Variants in AHNAK2 observed in about 807,000 individuals in gnomAD.
AHNAK2 encodes protein AHNAK2.
Under a neutral mutation model 30.7 loss-of-function variants are expected in AHNAK2, and 18 were observed. The observed-to-expected ratio is 0.59, with a 90% CI of 0.41 to 0.87. AHNAK2 has a LOEUF of 0.87. Ranked by LOEUF, AHNAK2 falls within the 40% of genes least tolerant of loss-of-function variation. The probability of loss-of-function intolerance (pLI) is 0.00; values close to 1 mark genes in which losing one functional copy is unlikely to be tolerated. For missense variants in AHNAK2, 8,604 were observed against 7,373.0 expected, an observed-to-expected ratio of 1.17 and a Z score of -6.11; for synonymous variants, 3,590 against 3,073.8, an observed-to-expected ratio of 1.17 and a Z score of -5.56.
At chr14:104,956,862 G>A (rs1477180487) in intron 3 of AHNAK2, among the ~76,000 whole-genome samples, 173 bp from the exon 4 acceptor site, 1 of 152,144 alleles carries the variant, frequency 6.6e-6, no homozygotes, top group African/African-American at 2.4e-5. Context: ...CAGAGAAAAG[G>A]CAACTCTCGG....
rs1414462489 is a variant in AHNAK2, at chr14:104,947,914, C to T, written c.7537G>A (p.Val2513Met). 3 of 1,612,600 alleles carry T rather than the reference C, an allele frequency of 1.9e-6. No homozygotes were observed. The African/African-American group carries it at 4.0e-5, about 22-fold the overall frequency. ...GAGGAGAGGCTCCCGTCGGCCTCCA[C>T]CTTCGGCGCAGACACATCCACCGAG... ...EASVDVSAPK[V>M]EADGSLSSMQ... is the part of the protein sequence containing the mutation. Residue 2513 changes from valine to methionine, a missense_variant, in exon 7 of 7, where the codon GTG (valine) becomes ATG (methionine). Val to Met is a conservative substitution (Grantham distance 21). Coordinates refer to ENST00000333244, the MANE Select transcript of AHNAK2 (RefSeq NM_138420.4).
At chr14:104,972,643 C>G (rs1230078625) in intron 1 of AHNAK2, among the ~76,000 whole-genome samples, 1 of 152,224 alleles carries the variant, frequency 6.6e-6, no homozygotes, top group South Asian at 2.1e-4. Context: ...TGTGGTCCGC[C>G]AAGCCCTGGA....
Position 104,942,191 on chromosome 14 carries a change from G to C in AHNAK2, c.13260C>G (p.Pro4420=). Residue 4420 remains proline (P), a synonymous_variant, in exon 7 of 7, where the codon CCC becomes CCG. Coordinates refer to ENST00000333244, the MANE Select transcript of AHNAK2 (RefSeq NM_138420.4). ...TGCTGGGCAGAGACACGTCCAGGTTGGGGGACGTCACCTCCACCTTGGGGC... is the reference window on the plus strand; with the variant it reads ...TGCTGGGCAGAGACACGTCCAGGTTCGGGGACGTCACCTCCACCTTGGGGC... The part of the protein sequence containing the change: ...LKGPKVEVTS[P]NLDVSLPSME... 6.2e-7 allele frequency: 1 copy of C among 1,613,070 alleles called. No individual in the cohort carries two copies.
Position 104,945,802 on chromosome 14 carries a change from G to A in AHNAK2, c.9649C>T (p.Leu3217Phe), listed in dbSNP as rs375931906. The change falls in exon 7 of 7, where the codon CTC (leucine) becomes TTC (phenylalanine). Residue 3217 changes from leucine to phenylalanine, a missense_variant. Coordinates refer to ENST00000333244, the MANE Select transcript of AHNAK2 (RefSeq NM_138420.4). Reference sequence around the variant, plus strand: ...TGCCCTTTGAGGCCAGCTCCCTCGAGAACGTGGCCCTCTGGGAGCTTCACG... The same window carrying A: ...TGCCCTTTGAGGCCAGCTCCCTCGAAAACGTGGCCCTCTGGGAGCTTCACG... The part of the protein sequence containing the change: ...VDVKLPEGHV[L>F]EGAGLKGHLP... 5 of 1,529,104 alleles carry A rather than the reference G, an allele frequency of 3.3e-6. No homozygotes were observed. The highest frequency in any genetic ancestry group is 4.5e-6 in the Non-Finnish European group (5 of 1,115,642). The allele number at this position is 1,529,104 out of a possible 1,614,324, so 94.7% of individuals were successfully genotyped here. A position where few individuals can be genotyped will look rare whatever the true frequency, so the allele number is the denominator to read the frequency against.
intron 1 of AHNAK2, among the ~76,000 whole-genome samples, chr14:104,963,841 GA>G (rs1021818717): frequency 1.6e-4 from 21 of 132,424 alleles, no homozygotes; most frequent in East Asian, 4.2e-4. Context: ...AAAAAAAAAA[GA>G]AAAAAAAAAG....
chr14:104,967,822 C>T (rs1240249192), intron 1 of AHNAK2, among the ~76,000 whole-genome samples: 4 of 152,218 alleles, frequency 2.6e-5, no homozygotes, highest in South Asian at 2.1e-4. Flanking sequence ...GCCTCGGACC[C>T]GCGCCAGTCG....
chr14:104,949,052 C>G lies in AHNAK2; in HGVS notation c.6399G>C (p.Ala2133=). ...VQAPRAKLDS[A]HLQGDLTLAN... is the part of the protein sequence containing the mutation. ...CCAGGGTCAGGTCCCCCTGCAGATG[C>G]GCACTATCCAGCTTGGCTCTTGGGG... Residue 2133 remains alanine, a synonymous_variant, in exon 7 of 7, where the codon GCG becomes GCC. Transcript: ENST00000333244. The G allele has an allele frequency of 9.7e-7, 1 of 1,028,628 alleles. No homozygotes were observed. Among genetic ancestry groups the G allele is most frequent in the South Asian group, 1.6e-5 (1 of 61,388 alleles). 63.7% of individuals were successfully genotyped at this position (1,028,628 alleles called of 1,614,324 possible).
At position 104,948,556 on chromosome 14, in the gene AHNAK2, G is replaced by T; in HGVS notation, c.6895C>A (p.Arg2299=). ...GCCAGGGACATGTCCCCCTCCAGCC[G>T]CGCACCATCCAGCTTGGCTCCTGGG... ...KAPGAKLDGA[R]LEGDMSLADK... Residue 2299 remains arginine (R), a synonymous_variant, in exon 7 of 7, where the codon CGG becomes AGG. Transcript: ENST00000333244. The T allele has an allele frequency of 6.2e-7, 1 of 1,610,088 alleles. No individual in the cohort carries two copies. The highest frequency in any genetic ancestry group is 8.5e-7 in the Non-Finnish European group (1 of 1,178,796).
chr14:104,958,485 C>T (rs1034032334), intron 1 of AHNAK2, among the ~76,000 whole-genome samples: 2 of 151,870 alleles, frequency 1.3e-5, no homozygotes, highest in Non-Finnish European at 2.9e-5. Flanking sequence ...AACACAAAAA[C>T]AAATCATGTT....
chr14:104,955,700 G>A, intron 4 of AHNAK2, 67 bp from the exon 5 acceptor site: 1 of 1,560,590 alleles, frequency 6.4e-7, no homozygotes, highest in Non-Finnish European at 8.7e-7. Flanking sequence ...TCCCTGCTGG[G>A]GCCTGTGTCT....
chr14:104,951,812 A>G lies in AHNAK2; in HGVS notation c.3639T>C (p.Ile1213=), dbSNP rs147978925. The part of the protein sequence containing the change: ...QGDLKTTDLS[I]QPPSADLEVH... The stretch of plus-strand genomic sequence containing the variant: ...CCTCCAGGTCAGCGGAAGGGGGCTG[A>G]ATGCTGAGGTCAGTGGTCTTGAGGT... The change falls in exon 7 of 7, where the codon ATT becomes ATC. Residue 1213 remains isoleucine (I), a synonymous_variant. Coordinates refer to ENST00000333244, the MANE Select transcript of AHNAK2 (RefSeq NM_138420.4). 5.2e-6 allele frequency: 7 copies of G among 1,339,356 alleles called. No homozygotes were observed. The highest frequency in any genetic ancestry group is 4.3e-5 in the African/African-American group (3 of 69,378). 83.0% of individuals were successfully genotyped at this position (1,339,356 alleles called of 1,614,324 possible).
In AHNAK2 at chr14:104,945,559, C is replaced by T. The variant is rs768208717; in HGVS notation, c.9892G>A (p.Asp3298Asn). 17 of 1,610,838 alleles carry T rather than the reference C, an allele frequency of 1.1e-5. No homozygotes were observed. The highest frequency in any genetic ancestry group is 6.7e-5 in the African/African-American group (5 of 74,240). The change falls in exon 7 of 7, where the codon GAC becomes AAC. Residue 3298 changes from aspartate to asparagine, a missense_variant. By Grantham distance (23) the Asp-to-Asn change is conservative (BLOSUM62 1). Coordinates refer to ENST00000333244, the MANE Select transcript of AHNAK2 (RefSeq NM_138420.4). ...ARLEGDLSLA[D>N]KDVTAKDSKF... ...CTGTCTTTGGCAGTCACATCCTTGT[C>T]GGCCAGGGACAGGTCCCCCTCCAGC...
rs201711905 is a variant in AHNAK2 at position 104,941,997 on chromosome 14, G to A, written c.13454C>T (p.Ser4485Leu). 752 of 1,613,566 alleles carry A rather than the reference G, an allele frequency of 4.7e-4. 2 individuals are homozygous for A. The African/African-American group carries it at 8.5e-3, about 18-fold the overall frequency. ...MLSPGKSIEVSVDVSAPKMEA... is the reference protein window; with the variant it reads ...MLSPGKSIEVLVDVSAPKMEA... ...CATCTTTGGCGCAGACACATCCACCGAGACCTCGATGGACTTGCCTGGGGA... is the reference window on the plus strand; with the variant it reads ...CATCTTTGGCGCAGACACATCCACCAAGACCTCGATGGACTTGCCTGGGGA... Residue 4485 changes from serine (S) to leucine (L), a missense_variant, in exon 7 of 7, where the codon TCG (serine) becomes TTG (leucine). Coordinates refer to ENST00000333244, the MANE Select transcript of AHNAK2 (RefSeq NM_138420.4).
Position 104,942,749 on chromosome 14 carries a change from G to GGGGCCCTTGA in AHNAK2, c.12692_12701dup (p.Val4236GlyfsTer51). The GGGGCCCTTGA allele has an allele frequency of 1.2e-6, 2 of 1,613,054 alleles. No homozygotes were observed. The highest frequency in any genetic ancestry group is 1.7e-6 in the Non-Finnish European group (2 of 1,179,624). ...GCTTGGGGCCCTTGACATCCACCTGGGGGCCCTTGAGGGCCACTTTGGGCA... is the reference window on the plus strand; with the variant it reads ...GCTTGGGGCCCTTGACATCCACCTGGGGGCCCTTGAGGGCCCTTGAGGGCCACTTTGGGCA... On this transcript the variant is annotated frameshift_variant, in exon 7 of 7. Transcript: ENST00000333244. LOFTEE classifies it low-confidence loss of function (END_TRUNC).
At position 104,939,703 on chromosome 14, in the gene AHNAK2, G is replaced by A. The variant is rs377668991; in HGVS notation, c.15748C>T (p.Leu5250Phe). The change falls in exon 7 of 7, where the codon CTC (leucine) becomes TTC (phenylalanine). Residue 5250 changes from leucine to phenylalanine, a missense_variant. By Grantham distance (22) the Leu-to-Phe change is conservative. Coordinates refer to ENST00000333244, the MANE Select transcript of AHNAK2 (RefSeq NM_138420.4). ...SNVEAAMSLQ[L>F]PEADAEVTAS... ...GTCACTTCTGCATCTGCCTCTGGGA[G>A]CTGTAGGGACATAGCTGCCTCCACG... 13 of 1,613,784 alleles carry A rather than the reference G, an allele frequency of 8.1e-6. No homozygotes were observed. The African/African-American group carries it at 1.2e-4, about 15-fold the overall frequency.
rs770660903 is a variant in AHNAK2, at chr14:104,948,253, G to A, written c.7198C>T (p.His2400Tyr). ...PVPEGAGLKG[H>Y]LPKLQMPSFK... ...CTGGGCATCTGCAGCTTGGGCAGGT[G>A]CCCTTTGAGGCCGGCTCCCTCCGGC... Residue 2400 changes from histidine to tyrosine, a missense_variant, in exon 7 of 7, where the codon CAC becomes TAC. Transcript: ENST00000333244. 1.9e-6 allele frequency: 3 copies of A among 1,612,412 alleles called. No homozygotes were observed. Among genetic ancestry groups the A allele is most frequent in the South Asian group, 2.2e-5 (2 of 91,026 alleles).
chr14:104,951,857 A>AGG lies in AHNAK2; in HGVS notation c.3593_3594insCC (p.Pro1200SerfsTer31), dbSNP rs1309001813. The AGG allele has an allele frequency of 3.1e-6, 5 of 1,588,252 alleles. No homozygotes were observed. Among genetic ancestry groups the AGG allele is most frequent in the East Asian group, 4.5e-5 (2 of 44,360 alleles). ...TGAGGTCCCCCTGCATGGAGGGGAG[A>AGG]CTCACGTCGGCCTCCACTTTGGGTG... On this transcript the variant is annotated frameshift_variant, in exon 7 of 7. Transcript: ENST00000333244. LOFTEE classifies it low-confidence loss of function (END_TRUNC).
rs1899305048 is a variant in AHNAK2 at position 104,966,471 on chromosome 14, C to G, written c.56-8799G>C. 6.6e-6 allele frequency among the ~76,000 whole-genome samples: 1 copy of G among 152,092 alleles called. No homozygotes were observed. Among genetic ancestry groups the G allele is most frequent in the South Asian group, 2.1e-4 (1 of 4,820 alleles). On this transcript the variant is annotated intron_variant, in intron 1 of 6. Transcript: ENST00000333244. The surrounding 1 kb of genome is among the most constrained non-coding windows in gnomAD (Gnocchi z 4.3). ...ACAGCTCTGTCCTGGCCACCTGGGC[C>G]CATCTCACTCACCTTTGCATTCAGA...
intron 3 of AHNAK2, 101 bp downstream of exon 3, chr14:104,957,309 G>A (rs532368495): frequency 1.4e-5 from 16 of 1,123,102 alleles, no homozygotes; most frequent in East Asian, 7.8e-5. Flanking sequence ...AGTGGGCAGC[G>A]GGGCAGGGCA....
Sources: allele counts gnomAD v4.1 joint callset (sites outside exome capture counted in the v4.1 genomes callset), GRCh38; gene constraint gnomAD v4.1.1; non-coding constraint Gnocchi (gnomAD v3.1); transcripts MANE v1.5; gene names NCBI Gene and HGNC (gene_info 2026-07-23, HGNC 2026-07-21).